The following KMT2E variants were observed in gnomAD, a reference collection of about 807,000 sequenced individuals.
KMT2E encodes lysine methyltransferase 2E (inactive), also known as histone reader KMT2E.
Under a neutral mutation model 184.6 loss-of-function variants are expected in KMT2E, and 30 were observed. The ratio of observed to expected loss-of-function variants is 0.16; its 90% CI spans 0.12 to 0.22. The LOEUF (loss-of-function observed/expected upper bound fraction) is 0.22. Among genes scored for constraint, KMT2E ranks in the 10% least tolerant of loss-of-function variants. The pLI, the probability that KMT2E is intolerant of heterozygous loss-of-function variation, is 1.00. For synonymous variants in KMT2E, 815 were observed against 776.5 expected (o/e 1.05, Z -0.82); for missense variants, 2,023 against 2,237.4 (o/e 0.90, Z 1.93).
intron 3 of KMT2E, among the ~76,000 whole-genome samples, chr7:105,049,193 C>T (rs545518340): frequency 7.2e-5 from 11 of 152,050 alleles, no homozygotes; most frequent in Non-Finnish European, 1.0e-4. Flanking sequence ...ACCTGTATTC[C>T]TAGCACTTTG....
chr7:105,107,351 T>C lies in KMT2E; in HGVS notation c.2905-11T>C, dbSNP rs779874779. The C allele has an allele frequency of 1.9e-5, 29 of 1,549,750 alleles. No individual in the cohort carries two copies. Among genetic ancestry groups the C allele is most frequent in the Admixed American group, 1.5e-4 (7 of 46,156 alleles). ...TTATTTGTGTAATTTTTTTTTTTAA[T>C]TTGTAAACAGGGATATGACAGATCT... On this transcript the variant is annotated splice_polypyrimidine_tract_variant and intron_variant, in intron 21 of 26. Transcript: ENST00000311117.
intron 4 of KMT2E, among the ~76,000 whole-genome samples, chr7:105,062,669 CTT>C (rs994637957): frequency 6.6e-6 from 1 of 151,340 alleles, no homozygotes; most frequent in African/African-American, 2.4e-5. Context: ...TTATTGAGCC[CTT>C]GTTATGTGTC....
At chr7:105,057,956 C>T (rs905315892) in intron 3 of KMT2E, among the ~76,000 whole-genome samples, 11 of 152,172 alleles carry the variant, frequency 7.2e-5, no homozygotes, top group African/African-American at 1.7e-4. Flanking sequence ...AATTGGGATC[C>T]GATCGAAATT....
intron 5 of KMT2E, chr7:105,064,164 GTTTTTTTTTTTTTTTTT>G (rs66946883): frequency 1.3e-5 from 1 of 74,154 alleles, no homozygotes; most frequent in African/African-American, 9.0e-5. Flanking sequence ...TTTTTTCTTG[GTTTTTTTTTTTTTTTTT>G]TTTTTTTTTT....
At chr7:105,109,326 T>A in intron 23 of KMT2E, 98 bp downstream of exon 23, 1 of 1,224,664 alleles carries the variant, frequency 8.2e-7, no homozygotes, top group Non-Finnish European at 1.1e-6. Flanking sequence ...TGATAGTGCT[T>A]CGTGGTCACA....
chr7:105,106,096 C>A (rs1798887584), intron 19 of KMT2E, 93 bp downstream of exon 19: 13 of 1,244,366 alleles, frequency 1.0e-5, no homozygotes, highest in Non-Finnish European at 1.4e-5. Flanking sequence ...CTGGTATGCA[C>A]TTTAGAAGAG....
rs1798654414 is a variant in KMT2E at position 105,101,479 on chromosome 7, A to G, written c.1777A>G (p.Lys593Glu). The change falls in exon 16 of 27, where the codon AAG becomes GAG. Residue 593 changes from lysine to glutamate, a missense_variant. Around this residue, in one of 8 missense-constraint regions of KMT2E, gnomAD observed 514 missense variants for 621.8 expected, o/e 0.83. Coordinates refer to ENST00000311117, the MANE Select transcript of KMT2E (RefSeq NM_182931.3). ...TTTGCAAGCTTTTGCCAGACTTGAA[A>G]AGAGAGAGAAAAGAAGAGAACAAGC... ...AILQAFARLE[K>E]REKRREQALE... The G allele has an allele frequency of 6.3e-7, 1 of 1,586,424 alleles. No homozygotes were observed. Among genetic ancestry groups the G allele is most frequent in the Admixed American group, 1.8e-5 (1 of 55,952 alleles).
In KMT2E at chr7:105,107,444, A is replaced by G; in HGVS notation, c.2987A>G (p.Lys996Arg). 2 of 1,613,642 alleles carry G rather than the reference A, an allele frequency of 1.2e-6. No homozygotes were observed. Among genetic ancestry groups the G allele is most frequent in the Non-Finnish European group, 1.7e-6 (2 of 1,179,848 alleles). ...ACTGAACTGGGTCTGCAAGAAATAA[A>G]GACTATTGGTTATACGAGCCCTAGG... ...NLTELGLQEIKTIGYTSPRSR... is the reference protein window; with the variant it reads ...NLTELGLQEIRTIGYTSPRSR... The change falls in exon 22 of 27, where the codon AAG becomes AGG. Residue 996 changes from lysine (K) to arginine (R), a missense_variant. Physicochemically the swap from Lys to Arg is conservative, Grantham distance 26. This residue lies in a region of KMT2E where 1,108 missense variants were observed against 1,050.9 expected (regional missense o/e 1.05). Transcript: ENST00000311117.
intron 6 of KMT2E, among the ~76,000 whole-genome samples, chr7:105,069,852 T>C (rs375704176): frequency 6.6e-5 from 10 of 152,298 alleles, no homozygotes; most frequent in South Asian, 2.1e-4. Context: ...CCAACTGTTA[T>C]TCTGTAATCG....
intron 1 of KMT2E, among the ~76,000 whole-genome samples, chr7:105,019,263 T>A (rs1412997946): frequency 6.6e-6 from 1 of 152,190 alleles, no homozygotes; most frequent in Non-Finnish European, 1.5e-5. Context: ...GGAAAAGCAG[T>A]TGGTCTTATA....
intron 1 of KMT2E, among the ~76,000 whole-genome samples, chr7:105,018,855 T>C (rs1172792595): frequency 6.6e-6 from 1 of 152,176 alleles, no homozygotes; most frequent in Non-Finnish European, 1.5e-5. Flanking sequence ...GAACAGTATT[T>C]GTTGTTGAAA....
chr7:105,073,173 CA>C (rs1402921940), intron 6 of KMT2E, among the ~76,000 whole-genome samples: 1 of 151,180 alleles, frequency 6.6e-6, no homozygotes, highest in African/African-American at 2.4e-5. Flanking sequence ...CTTTGGGAGG[CA>C]GGGGTGGGAG....
At chr7:105,077,527 T>G in intron 11 of KMT2E, 94 bp downstream of exon 11, 1 of 931,544 alleles carries the variant, frequency 1.1e-6, no homozygotes, top group Non-Finnish European at 1.7e-6. Flanking sequence ...TGTACTTTTT[T>G]TCCTACATGA....
rs1157020075 is a variant in KMT2E, at chr7:105,113,337, G to A, written c.*4G>A. ...CCATGGGTCAGGGTGGCATTAAAAT[G>A]GACTCCAAAAACATTTTTTTAAATG... On this transcript the variant is annotated 3_prime_UTR_variant, in exon 27 of 27. Transcript: ENST00000311117. 4 of 1,596,070 alleles carry A rather than the reference G, an allele frequency of 2.5e-6. No individual in the cohort carries two copies. In the Admixed American group the frequency reaches 5.1e-5, roughly 21 times the overall value.
At chr7:105,017,986 G>A (rs1174811255) in intron 1 of KMT2E, among the ~76,000 whole-genome samples, 1 of 152,106 alleles carries the variant, frequency 6.6e-6, no homozygotes, top group Non-Finnish European at 1.5e-5. Context: ...TAAGCTCTAG[G>A]ACTTCTTGAG....
chr7:105,022,560 A>G (rs1383031779), intron 1 of KMT2E, among the ~76,000 whole-genome samples: 1 of 151,994 alleles, frequency 6.6e-6, no homozygotes, highest in Non-Finnish European at 1.5e-5. Context: ...TGTATAGTTG[A>G]TGTTTTTTTG....
chr7:105,048,894 T>A (rs1444292696), intron 3 of KMT2E, among the ~76,000 whole-genome samples: 1 of 152,236 alleles, frequency 6.6e-6, no homozygotes. Flanking sequence ...GATAATATAC[T>A]GTTTCCAACG....
intron 20 of KMT2E, 136 bp from the exon 21 acceptor site, chr7:105,107,030 G>A (rs367973621): frequency 4.7e-6 from 3 of 636,226 alleles, no homozygotes; most frequent in South Asian, 2.5e-5. Context: ...GTCTTATTTG[G>A]GGAATGGAAA....
At chr7:105,021,338 CAAA>C (rs1372178502) in intron 1 of KMT2E, among the ~76,000 whole-genome samples, 2 of 152,172 alleles carry the variant, frequency 1.3e-5, no homozygotes, top group Non-Finnish European at 2.9e-5. Context: ...GAAGCACAGA[CAAA>C]AGATGAATTT....
Sources: allele counts gnomAD v4.1 joint callset (sites outside exome capture counted in the v4.1 genomes callset), GRCh38; gene constraint gnomAD v4.1.1; regional missense constraint gnomAD v4.1.1; transcripts MANE v1.5; gene names NCBI Gene and HGNC (gene_info 2026-07-23, HGNC 2026-07-21).